The following ZNF536 variants were observed in gnomAD, a reference collection of about 807,000 sequenced individuals.
ZNF536 encodes zinc finger protein 536.
Under a neutral mutation model 84.5 loss-of-function variants are expected in ZNF536, and 13 were observed. The ratio of observed to expected loss-of-function variants is 0.15; its 90% CI spans 0.10 to 0.24. ZNF536 has a LOEUF of 0.24. Among genes scored for constraint, ZNF536 ranks in the 10% least tolerant of loss-of-function variants. The pLI, the probability that ZNF536 is intolerant of heterozygous loss-of-function variation, is 1.00. For missense variants in ZNF536, 1,536 were observed against 1,747.5 expected (o/e 0.88, Z 2.16); for synonymous variants, 811 against 742.5 (o/e 1.09, Z -1.50).
At chr19:30,325,654 G>A (rs1027934496) in intron 2 of ZNF536, among the ~76,000 whole-genome samples, 51 of 152,318 alleles carry the variant, frequency 3.3e-4, no homozygotes, top group Middle Eastern at 3.4e-3. Context: ...GGGTGGCTGA[G>A]GGGAGCACAG....
At chr19:30,537,884 C>T (rs1407036513) in intron 3 of ZNF536, among the ~76,000 whole-genome samples, 3 of 152,200 alleles carry the variant, frequency 2.0e-5, no homozygotes, top group East Asian at 3.8e-4. Context: ...TCGGAAGCAG[C>T]ATTCGCCGTA....
intron 1 of ZNF536, among the ~76,000 whole-genome samples, chr19:30,275,619 C>T (rs751672117): frequency 6.6e-6 from 1 of 152,308 alleles, no homozygotes; most frequent in African/African-American, 2.4e-5. Context: ...GTCCCCATCT[C>T]CTGAGCTCTT....
At chr19:30,364,101 G>A (rs987109726) in intron 3 of ZNF536, among the ~76,000 whole-genome samples, 2 of 152,114 alleles carry the variant, frequency 1.3e-5, no homozygotes, top group Non-Finnish European at 2.9e-5. Context: ...GGAGGTGTAG[G>A]CTGGAGCCCC....
At chr19:30,227,757 C>G (rs2022700397), upstream of ZNF536, among the ~76,000 whole-genome samples, 1 of 151,912 alleles carries the variant, frequency 6.6e-6, no homozygotes, top group Non-Finnish European at 1.5e-5. Flanking sequence ...CCGCCGCCGC[C>G]GCCGCTGTGC....
intron 1 of ZNF536, among the ~76,000 whole-genome samples, chr19:30,244,305 C>G (rs760663205): frequency 3.9e-5 from 6 of 152,090 alleles, no homozygotes; most frequent in African/African-American, 9.7e-5. Flanking sequence ...TCCACCCCCC[C>G]ACCCCTCAGG....
chr19:30,625,758 G>C lies in ZNF536; in HGVS notation c.169+76244G>C, dbSNP rs1251318841. ...CTGGATACACCTGCTTCCATGTTCT[G>C]GCTCCTTTATGCCATGTAGGCATGC... On this transcript the variant is annotated intron_variant, in intron 1 of 1. Transcript: ENST00000592773. Among the ~76,000 whole-genome samples the C allele has an allele frequency of 2.0e-5, 3 of 152,302 alleles. No homozygotes were observed. The East Asian group carries it at 5.8e-4, about 29-fold the overall frequency.
intron 2 of ZNF536, among the ~76,000 whole-genome samples, chr19:30,343,929 T>TA (rs200693963): frequency 8.3e-4 from 125 of 151,186 alleles, no homozygotes; most frequent in Non-Finnish European, 1.6e-3. Flanking sequence ...TTTCAGTCCT[T>TA]AAAAAAAAAC....
At chr19:30,631,300 CTT>C (rs1200709243) in intron 1 of ZNF536, among the ~76,000 whole-genome samples, 3 of 152,220 alleles carry the variant, frequency 2.0e-5, no homozygotes, top group Non-Finnish European at 4.4e-5. Flanking sequence ...GGCTGCCCCT[CTT>C]TGTGTCGGGG....
rs1466917105 is a variant in ZNF536, at chr19:30,549,039, C to T, written c.3420C>T (p.His1140=). The T allele has an allele frequency of 2.5e-6, 4 of 1,614,198 alleles. No individual in the cohort carries two copies. The South Asian group carries it at 3.3e-5, about 13-fold the overall frequency. ...ACAAGGAGCCTGATGGAAAGGCCCACTCTGAAGAGGATGTCCCCATCCTGA... is the reference window on the plus strand; with the variant it reads ...ACAAGGAGCCTGATGGAAAGGCCCATTCTGAAGAGGATGTCCCCATCCTGA... ...CPNKEPDGKA[H]SEEDVPILIP... The change falls in exon 4 of 5, where the codon CAC becomes CAT. Residue 1140 remains histidine, a synonymous_variant. Transcript: ENST00000355537.
chr19:30,450,801 C>T (rs2052567959), intron 2 of ZNF536, among the ~76,000 whole-genome samples: 1 of 152,022 alleles, frequency 6.6e-6, no homozygotes, highest in Non-Finnish European at 1.5e-5. Context: ...TTAAAGGTTC[C>T]CCCTACGCCT....
rs201494109 is a variant in ZNF536 at position 30,687,842 on chromosome 19, T to TA, written c.170-22907dup. 7.8e-3 allele frequency among the ~76,000 whole-genome samples: 1,184 copies of TA among 152,074 alleles called. 16 individuals are homozygous for TA. Among genetic ancestry groups the TA allele is most frequent in the East Asian group, 0.043 (224 of 5,182 alleles). ...TTTCATTCTGACCTTTGGATTTTTT[T>TA]AAAAAAAACTTTTATTTGCATGATT... On this transcript the variant is annotated intron_variant, in intron 1 of 1. Coordinates refer to the ZNF536 transcript ENST00000592773.
intron 1 of ZNF536, among the ~76,000 whole-genome samples, chr19:30,428,240 G>A (rs2051299017): frequency 6.6e-6 from 1 of 152,222 alleles, no homozygotes; most frequent in South Asian, 2.1e-4. Context: ...CATGCAGATG[G>A]TGACAGGGGA....
chr19:30,395,841 CTT>C (rs933172466), intron 1 of ZNF536, among the ~76,000 whole-genome samples: 1 of 152,044 alleles, frequency 6.6e-6, no homozygotes, highest in Non-Finnish European at 1.5e-5. Context: ...AGTTAATAAA[CTT>C]GATTTTTTAA....
chr19:30,662,348 T>TG (rs896586176), intron 1 of ZNF536, among the ~76,000 whole-genome samples: 66 of 152,328 alleles, frequency 4.3e-4, no homozygotes, highest in Non-Finnish European at 6.3e-4. Flanking sequence ...TGGGCCCTTG[T>TG]GAGGCACAGT....
At chr19:30,553,786 T>G (rs1312003829) in intron 4 of ZNF536, among the ~76,000 whole-genome samples, 1 of 152,194 alleles carries the variant, frequency 6.6e-6, no homozygotes, top group Admixed American at 6.5e-5. Context: ...GCTAGGATCA[T>G]GACATTGCAC....
In ZNF536 at chr19:30,549,153, C is replaced by T. The variant is rs775487730; in HGVS notation, c.3534C>T (p.Asn1178=). The change falls in exon 4 of 5, where the codon AAC becomes AAT. Residue 1178 remains asparagine, a synonymous_variant. Coordinates refer to ENST00000355537, the MANE Select transcript of ZNF536 (RefSeq NM_014717.3). ...EDMDSSKGEN[N]DEEDVETEPE... ...TGGACTCCTCCAAGGGGGAGAACAA[C>T]GATGAAGAGGATGTTGAAACCGAAC... The T allele has an allele frequency of 4.2e-5, 68 of 1,613,904 alleles. No individual in the cohort carries two copies. Among genetic ancestry groups the T allele is most frequent in the East Asian group, 3.3e-4 (15 of 44,896 alleles).
chr19:30,605,048 A>C (rs2047819083), intron 1 of ZNF536, among the ~76,000 whole-genome samples: 1 of 152,250 alleles, frequency 6.6e-6, no homozygotes, highest in South Asian at 2.1e-4. Context: ...TCTGTTGGGT[A>C]AGGGGTCTCA....
intron 2 of ZNF536, among the ~76,000 whole-genome samples, chr19:30,347,360 C>T (rs562744471): frequency 6.6e-6 from 1 of 152,268 alleles, no homozygotes; most frequent in Non-Finnish European, 1.5e-5. Flanking sequence ...GCTTTTTGGG[C>T]AGCCTGGCAG....
chr19:30,276,286 A>G (rs1316601745), intron 1 of ZNF536, among the ~76,000 whole-genome samples: 5 of 152,220 alleles, frequency 3.3e-5, no homozygotes, highest in Non-Finnish European at 7.3e-5. Flanking sequence ...TTTGCCAGCA[A>G]GCATGAGCCC....
Sources: gnomAD v4.1 joint callset for allele counts (sites outside exome capture counted in the v4.1 genomes callset) on GRCh38, gnomAD v4.1.1 for gene constraint, MANE v1.5 for transcripts, NCBI Gene and HGNC (gene_info 2026-07-23, HGNC 2026-07-21) for gene names.